The following FHOD3 variants were observed in gnomAD, a reference collection of about 807,000 sequenced individuals.
FHOD3 encodes FH1/FH2 domain-containing protein 3.
A neutral mutation model predicts 173.0 loss-of-function variants in FHOD3; 90 were observed. The ratio of observed to expected loss-of-function variants is 0.52; its 90% CI spans 0.44 to 0.62. The LOEUF is 0.62. Ranked by LOEUF, FHOD3 falls within the 20% of genes least tolerant of loss-of-function variation. FHOD3 has a pLI of 0.00. For synonymous variants in FHOD3, 828 were observed against 823.0 expected (o/e 1.01, Z -0.10); for missense variants, 1,945 against 2,034.7 (o/e 0.96, Z 0.85).
At position 36,576,650 on chromosome 18, in the gene FHOD3, C is replaced by G. The variant is rs979624633; in HGVS notation, c.606+105C>G. 6 of 778,198 alleles carry G rather than the reference C, an allele frequency of 7.7e-6. No individual in the cohort carries two copies. The East Asian group carries it at 1.7e-4, about 22-fold the overall frequency. 48.2% of individuals were successfully genotyped at this position (778,198 alleles called of 1,614,324 possible). On this transcript the variant is annotated intron_variant, in intron 6 of 28. Transcript: ENST00000590592. The stretch of plus-strand genomic sequence containing the variant: ...GAAAGAAATTTTATTCAGCTTTTTT[C>G]AAGCCGTTACAGTATAAATGAGGAT...
chr18:36,484,974 C>A (rs1004558851), intron 3 of FHOD3, among the ~76,000 whole-genome samples: 1 of 152,146 alleles, frequency 6.6e-6, no homozygotes, highest in Admixed American at 6.5e-5. Flanking sequence ...TTGTGGCCCA[C>A]ACAGAGGGTG....
At chr18:36,325,507 A>G (rs1013786118) in intron 1 of FHOD3, among the ~76,000 whole-genome samples, 3 of 152,144 alleles carry the variant, frequency 2.0e-5, no homozygotes, top group Non-Finnish European at 2.9e-5. Context: ...GTGCTTTAGC[A>G]CTGTGGTCTC....
At chr18:36,589,470 G>A (rs2059139760) in intron 6 of FHOD3, among the ~76,000 whole-genome samples, 1 of 152,192 alleles carries the variant, frequency 6.6e-6, no homozygotes, top group African/African-American at 2.4e-5. Context: ...CATGGAAGCT[G>A]GAAAGGGCTG....
chr18:36,359,346 T>C (rs2145832333), intron 2 of FHOD3, among the ~76,000 whole-genome samples: 1 of 152,302 alleles, frequency 6.6e-6, no homozygotes, highest in East Asian at 1.9e-4. Context: ...CTCTAGCTAG[T>C]CAGAGAAGAG....
chr18:36,689,779 CAG>C lies in FHOD3; in HGVS notation c.2021+2602_2021+2603del, dbSNP rs368947661. Among the ~76,000 whole-genome samples the C allele has an allele frequency of 1.8e-4, 27 of 152,126 alleles. No homozygotes were observed. The East Asian group carries it at 2.9e-3, about 16-fold the overall frequency. ...TGGAGAAGAAATGCTTTATAGCAAA[CAG>C]GGGCTATGGGAACAAAGTGCAAAGA... On this transcript the variant is annotated intron_variant, in intron 16 of 28. Transcript: ENST00000590592.
intron 6 of FHOD3, among the ~76,000 whole-genome samples, chr18:36,592,201 A>G (rs1359303545): frequency 6.6e-6 from 1 of 152,214 alleles, no homozygotes; most frequent in Admixed American, 6.5e-5. Context: ...CCTGGGCAAC[A>G]GAACAAGACT....
chr18:36,354,872 G>A (rs528053229), intron 1 of FHOD3, among the ~76,000 whole-genome samples: 5 of 152,088 alleles, frequency 3.3e-5, no homozygotes, highest in South Asian at 2.1e-4. Flanking sequence ...CCAGCTACTC[G>A]GGAGGCTGGG....
intron 3 of FHOD3, among the ~76,000 whole-genome samples, chr18:36,462,140 A>C (rs2052590786): frequency 6.6e-6 from 1 of 152,136 alleles, no homozygotes; most frequent in South Asian, 2.1e-4. Context: ...GACTTTTCCT[A>C]TACCATGGCT....
intron 5 of FHOD3, among the ~76,000 whole-genome samples, chr18:36,549,897 C>T (rs1355646784): frequency 6.6e-6 from 1 of 151,546 alleles, no homozygotes; most frequent in Non-Finnish European, 1.5e-5. Flanking sequence ...CAAAGATTTA[C>T]TCCCATTTTT....
chr18:36,616,527 C>T (rs1330147457), intron 9 of FHOD3, among the ~76,000 whole-genome samples: 1 of 152,172 alleles, frequency 6.6e-6, no homozygotes, highest in African/African-American at 2.4e-5. Context: ...CTGTGTTCAC[C>T]ATCTTTCTTT....
intron 21 of FHOD3, among the ~76,000 whole-genome samples, chr18:36,742,248 G>A (rs2041938784): frequency 6.6e-6 from 1 of 152,168 alleles, no homozygotes; most frequent in Non-Finnish European, 1.5e-5. Context: ...GGGGTAGAGG[G>A]CAGTAGCCTT....
chr18:36,697,642 A>G (rs1408740047), intron 17 of FHOD3, among the ~76,000 whole-genome samples: 3 of 152,210 alleles, frequency 2.0e-5, no homozygotes, highest in African/African-American at 7.2e-5. Flanking sequence ...CCCTGGGGAT[A>G]TATACGGCCT....
chr18:36,445,195 A>G (rs2051396843), intron 3 of FHOD3, among the ~76,000 whole-genome samples: 2 of 152,232 alleles, frequency 1.3e-5, no homozygotes, highest in Admixed American at 1.3e-4. Flanking sequence ...AGGCATCAGC[A>G]CAGTAGAGCA....
intron 15 of FHOD3, among the ~76,000 whole-genome samples, chr18:36,685,812 T>C (rs2038572794): frequency 1.3e-5 from 2 of 152,200 alleles, no homozygotes; most frequent in African/African-American, 4.8e-5. Context: ...ACTAACCACA[T>C]AGTCTTAAAC....
At chr18:36,345,054 C>G (rs1264777017) in intron 1 of FHOD3, among the ~76,000 whole-genome samples, 1 of 152,162 alleles carries the variant, frequency 6.6e-6, no homozygotes, top group East Asian at 1.9e-4. Context: ...AGTTGTATGC[C>G]TCTCTATAGA....
intron 5 of FHOD3, among the ~76,000 whole-genome samples, chr18:36,548,566 G>A (rs897319172): frequency 1.3e-5 from 2 of 152,256 alleles, no homozygotes; most frequent in East Asian, 1.9e-4. Flanking sequence ...CTGCTTCAAC[G>A]ACTTGGGATT....
intron 2 of FHOD3, among the ~76,000 whole-genome samples, chr18:36,364,421 T>A (rs1270089945): frequency 6.6e-6 from 1 of 152,164 alleles, no homozygotes; most frequent in Non-Finnish European, 1.5e-5. Flanking sequence ...TGTGTGCACA[T>A]AGCTTTCACT....
intron 19 of FHOD3, among the ~76,000 whole-genome samples, chr18:36,723,451 C>G (rs2040892683): frequency 6.6e-6 from 1 of 152,120 alleles, no homozygotes; most frequent in South Asian, 2.1e-4. Flanking sequence ...TGTTTCAAGA[C>G]TTTAGGAAAA....
Position 36,392,260 on chromosome 18 carries a change from T to C in FHOD3, c.337+19516T>C, listed in dbSNP as rs556108692. Among the ~76,000 whole-genome samples the C allele has an allele frequency of 1.3e-5, 2 of 152,278 alleles. 1 individual carries two copies. Among genetic ancestry groups the C allele is most frequent in the Admixed American group, 1.3e-4 (2 of 15,306 alleles). ...CCCAGCACAGAGTAAGCACTGTGCA[T>C]GGGGTAGCTATAATTGGCTTCCCTA... is the stretch of plus-strand genomic sequence containing the variant. On this transcript the variant is annotated intron_variant, in intron 3 of 28. Transcript: ENST00000590592.
Sources: gnomAD v4.1 joint callset for allele counts (sites outside exome capture counted in the v4.1 genomes callset) on GRCh38, gnomAD v4.1.1 for gene constraint, MANE v1.5 for transcripts, NCBI Gene and HGNC (gene_info 2026-07-23, HGNC 2026-07-21) for gene names.